The following TENT2 variants were observed in gnomAD, a reference collection of about 807,000 sequenced individuals.
The protein encoded by TENT2 is terminal nucleotidyltransferase 2.
TENT2 carries 44 observed loss-of-function variants against 72.2 expected under a neutral mutation model. The ratio of observed to expected loss-of-function variants is 0.61; its 90% CI spans 0.48 to 0.78. TENT2 has a LOEUF of 0.78. Among genes scored for constraint, TENT2 ranks in the 30% least tolerant of loss-of-function variants. TENT2 has a pLI of 0.00. For missense variants in TENT2, 541 were observed against 569.6 expected (o/e 0.95, Z 0.51); for synonymous variants, 212 against 192.5 (o/e 1.10, Z -0.84).
At chr5:79,634,853 AT>A (rs1234067221) in intron 4 of TENT2, among the ~76,000 whole-genome samples, 349 of 142,626 alleles carry the variant, frequency 2.4e-3, no homozygotes, top group Admixed American at 2.5e-3. Flanking sequence ...TGTTGGAGGG[AT>A]TTTTTTTTTT....
Position 79,640,976 on chromosome 5 carries a change from C to G in TENT2, c.580+11C>G. The G allele has an allele frequency of 6.3e-7, 1 of 1,588,762 alleles. No homozygotes were observed. Among genetic ancestry groups the G allele is most frequent in the African/African-American group, 1.4e-5 (1 of 73,422 alleles). On this transcript the variant is annotated intron_variant, in intron 5 of 14. Coordinates refer to ENST00000453514, the MANE Select transcript of TENT2 (RefSeq NM_001114394.3). ...AGCTGTTATTTCCACGTATGTTTCC[C>G]TATTTTGCATGTCCTTTAGGTATAT... is the stretch of plus-strand genomic sequence containing the variant.
At chr5:79,670,880 A>G (rs982189445) in intron 12 of TENT2, among the ~76,000 whole-genome samples, 12 of 151,478 alleles carry the variant, frequency 7.9e-5, no homozygotes, top group African/African-American at 2.7e-4. Flanking sequence ...ATGGCAATCT[A>G]CAGCTAGATT....
At position 79,648,621 on chromosome 5, in the gene TENT2, G is replaced by A. The variant is rs1194912694; in HGVS notation, c.826G>A (p.Val276Met). 1.4e-5 allele frequency: 22 copies of A among 1,570,562 alleles called. No individual in the cohort carries two copies. The highest frequency in any genetic ancestry group is 1.7e-5 in the Non-Finnish European group (20 of 1,154,006). The change falls in exon 9 of 15, where the codon GTG becomes ATG. Residue 276 changes from valine to methionine, a missense_variant. By Grantham distance (21) the Val-to-Met change is conservative. Coordinates refer to ENST00000453514, the MANE Select transcript of TENT2 (RefSeq NM_001114394.3). ...IVKFRDKVSC[V>M]EFDLNVNNIV... ...TATTTATTTTTTCTTAAATAGTTGT[G>A]TGGAGTTTGACTTGAATGTAAACAA...
At chr5:79,616,381 G>A (rs1429047305) in intron 1 of TENT2, among the ~76,000 whole-genome samples, 3 of 151,698 alleles carry the variant, frequency 2.0e-5, no homozygotes, top group African/African-American at 7.3e-5. Flanking sequence ...TTTGTATTTA[G>A]TAGGGATTTC....
intron 7 of TENT2, 28 bp from the exon 8 acceptor site, chr5:79,645,095 G>A: frequency 6.4e-7 from 1 of 1,559,850 alleles, no homozygotes; most frequent in Non-Finnish European, 8.7e-7. Context: ...AACATTTGCA[G>A]CTATTCACAT....
chr5:79,649,042 A>C lies in TENT2; in HGVS notation c.899-20A>C. The C allele has an allele frequency of 6.2e-7, 1 of 1,610,972 alleles. No individual in the cohort carries two copies. The highest frequency in any genetic ancestry group is 8.5e-7 in the Non-Finnish European group (1 of 1,177,910). ...AACTATAACGTCTCTTACCATGTTA[A>C]GTTTTAATTTTACTTTCAGTTGAAA... On this transcript the variant is annotated intron_variant, in intron 9 of 14. Coordinates refer to ENST00000453514, the MANE Select transcript of TENT2 (RefSeq NM_001114394.3).
chr5:79,626,600 C>T (rs1322396063), intron 4 of TENT2, among the ~76,000 whole-genome samples: 1 of 151,122 alleles, frequency 6.6e-6, no homozygotes, highest in Non-Finnish European at 1.5e-5. Context: ...AACCCCCGCA[C>T]CCGGCCACCT....
intron 7 of TENT2, chr5:79,644,885 A>G (rs538171950): frequency 2.7e-6 from 1 of 370,734 alleles, no homozygotes; most frequent in South Asian, 6.5e-5. Flanking sequence ...GAACTTCTCT[A>G]TAGATACTAT....
Position 79,661,009 on chromosome 5 carries a change from A to T in TENT2, c.1071+4008A>T, listed in dbSNP as rs564125078. On this transcript the variant is annotated intron_variant, in intron 11 of 14. Coordinates refer to ENST00000453514, the MANE Select transcript of TENT2 (RefSeq NM_001114394.3). ...AAGTTTAAAAGGAAAAAAAAAATTT[A>T]AAATAGAGAAAATCTTATAGAATAA... Among the ~76,000 whole-genome samples, 990 of 152,280 alleles carry T rather than the reference A, an allele frequency of 6.5e-3. 13 individuals are homozygous for T. The highest frequency in any genetic ancestry group is 0.021 in the African/African-American group (890 of 41,570).
At chr5:79,619,521 T>G in intron 1 of TENT2, 91 bp from the exon 2 acceptor site, 10 of 940,198 alleles carry the variant, frequency 1.1e-5, no homozygotes, top group Non-Finnish European at 1.5e-5. Context: ...ACTTGATAAC[T>G]AATTGTTTTA....
intron 14 of TENT2, among the ~76,000 whole-genome samples, chr5:79,683,792 C>T (rs1476472484): frequency 3.4e-5 from 5 of 148,134 alleles, no homozygotes; most frequent in Non-Finnish European, 3.0e-5. Flanking sequence ...TAGTGGCGGG[C>T]GCCTGTAGTC....
chr5:79,644,707 T>C lies in TENT2; in HGVS notation c.752-416T>C, dbSNP rs151131762. The C allele has an allele frequency of 4.3e-3, 664 of 154,028 alleles. 6 individuals carry two copies. Among genetic ancestry groups the C allele is most frequent in the African/African-American group, 0.014 (584 of 41,642 alleles). 9.5% of individuals were successfully genotyped at this position (154,028 alleles called of 1,614,324 possible). A position where few individuals can be genotyped will look rare whatever the true frequency, so the allele number is the denominator to read the frequency against. On this transcript the variant is annotated intron_variant, in intron 7 of 14. Coordinates refer to ENST00000453514, the MANE Select transcript of TENT2 (RefSeq NM_001114394.3). ...TTTTCACTCATAGAGATCACACTTA[T>C]CGAATGCATCCAAGCCCCGTGTATC...
At chr5:79,665,565 TGAA>T (rs1806867953) in intron 11 of TENT2, among the ~76,000 whole-genome samples, 1 of 152,192 alleles carries the variant, frequency 6.6e-6, no homozygotes, top group Non-Finnish European at 1.5e-5. Flanking sequence ...TTTTTTAACT[TGAA>T]GAGAAATGAA....
chr5:79,648,725 C>G lies in TENT2; in HGVS notation c.898+32C>G, dbSNP rs753423567. ...TTGTTGTTTGTTTATTAAAAATTAG[C>G]CTTTTTTTCTTTATTCATTTTTAAA... On this transcript the variant is annotated intron_variant, in intron 9 of 14. Coordinates refer to ENST00000453514, the MANE Select transcript of TENT2 (RefSeq NM_001114394.3). The G allele has an allele frequency of 2.0e-6, 3 of 1,480,350 alleles. No homozygotes were observed. In the South Asian group the frequency reaches 3.7e-5, roughly 18 times the overall value. 91.7% of individuals were successfully genotyped at this position (1,480,350 alleles called of 1,614,324 possible).
chr5:79,622,787 T>C (rs751839174), intron 3 of TENT2, among the ~76,000 whole-genome samples: 1 of 152,350 alleles, frequency 6.6e-6, no homozygotes, highest in South Asian at 2.1e-4. Context: ...CCAATGTCTT[T>C]ATAGCTTTAT....
intron 14 of TENT2, among the ~76,000 whole-genome samples, chr5:79,682,357 G>GC (rs374935038): frequency 7.0e-4 from 107 of 152,124 alleles, no homozygotes; most frequent in African/African-American, 2.5e-3. Flanking sequence ...TCAGCTCACT[G>GC]CATCCTTCAC....
chr5:79,653,241 T>C (rs1184167734), intron 10 of TENT2, among the ~76,000 whole-genome samples: 1 of 152,106 alleles, frequency 6.6e-6, no homozygotes, highest in Non-Finnish European at 1.5e-5. Flanking sequence ...CCCAAGTGCT[T>C]TGGGAGGCAG....
In TENT2 at chr5:79,685,190, C is replaced by T. The variant is rs1825645608; in HGVS notation, c.1381-9C>T. 6.3e-7 allele frequency: 1 copy of T among 1,591,986 alleles called. No homozygotes were observed. The highest frequency in any genetic ancestry group is 1.4e-5 in the African/African-American group (1 of 74,000). On this transcript the variant is annotated splice_polypyrimidine_tract_variant and intron_variant, in intron 14 of 14. Coordinates refer to ENST00000453514, the MANE Select transcript of TENT2 (RefSeq NM_001114394.3). ...TAGGTTTTAAGAATGATTTTTCTTTCTCTCCCAGTCATGGCACAGATTGAA... is the reference window on the plus strand; with the variant it reads ...TAGGTTTTAAGAATGATTTTTCTTTTTCTCCCAGTCATGGCACAGATTGAA...
intron 13 of TENT2, among the ~76,000 whole-genome samples, chr5:79,680,813 A>C (rs1338201537): frequency 6.6e-6 from 1 of 152,048 alleles, no homozygotes; most frequent in Non-Finnish European, 1.5e-5. Flanking sequence ...TCCATGCTAA[A>C]ATTCTTAATT....
Sources: allele counts gnomAD v4.1 joint callset (sites outside exome capture counted in the v4.1 genomes callset), GRCh38; gene constraint gnomAD v4.1.1; transcripts MANE v1.5; gene names NCBI Gene and HGNC (gene_info 2026-07-23, HGNC 2026-07-21).